ARL10: variants seen among roughly 807,000 people sequenced by gnomAD.
ARL10 encodes the protein ARF like GTPase 10.
A neutral mutation model predicts 26.1 loss-of-function variants in ARL10; 23 were observed. The observed-to-expected ratio is 0.88, with a 90% confidence interval of 0.63 to 1.25. ARL10 has a LOEUF of 1.25. ARL10 is among the 50% of genes most tolerant of loss of function. The pLI is 0.00. For synonymous variants in ARL10, 138 were observed against 149.1 expected (o/e 0.93, Z 0.54); for missense variants, 300 against 323.6 (o/e 0.93, Z 0.56).
At chr5:176,406,201 C>G, downstream of ARL10, 1 of 995,824 alleles carries the variant, frequency 1.0e-6, no homozygotes, top group Non-Finnish European at 1.2e-6. Flanking sequence ...GGAGGGTTGG[C>G]AACCAGGAGA....
intron 1 of ARL10, chr5:176,387,076 CTCT>C (rs1755912497): frequency 1.2e-4 from 36 of 292,710 alleles, no homozygotes; most frequent in Admixed American, 4.7e-4. Flanking sequence ...CTCTCTCTCT[CTCT>C]TTTTTTTTTT....
chr5:176,383,853 C>T (rs879149960), downstream of ARL10: 65 of 871,556 alleles, frequency 7.5e-5, no homozygotes, highest in South Asian at 1.0e-3. Flanking sequence ...TGCTGACAGG[C>T]GGGATGGCCT....
chr5:176,373,188 A>G lies in ARL10; in HGVS notation c.*1293A>G. 7.6e-6 allele frequency: 3 copies of G among 396,892 alleles called. No homozygotes were observed. Among genetic ancestry groups the G allele is most frequent in the Non-Finnish European group, 1.3e-5 (3 of 225,446 alleles). 24.6% of individuals were successfully genotyped at this position (396,892 alleles called of 1,614,324 possible). ...ATCCTAAGGACAGGAATAGCAGACCAGCCAACGGGATGGCCTTGGGTACAT... is the reference window on the plus strand; with the variant it reads ...ATCCTAAGGACAGGAATAGCAGACCGGCCAACGGGATGGCCTTGGGTACAT... On this transcript the variant is annotated 3_prime_UTR_variant, in exon 4 of 4. Transcript: ENST00000310389.
chr5:176,383,971 C>T (rs1004469296), downstream of ARL10: 6 of 1,525,902 alleles, frequency 3.9e-6, no homozygotes, highest in Middle Eastern at 1.7e-4. Context: ...TTATTATGTA[C>T]ACACTATATT....
At chr5:176,410,075 C>G in the ARL10 span, among the ~76,000 whole-genome samples, 1 of 152,204 alleles carries the variant, frequency 6.6e-6, no homozygotes, top group East Asian at 1.9e-4. Flanking sequence ...GGTCCTTATT[C>G]TTCTTCCCTG....
chr5:176,414,907 A>G, the ARL10 span, among the ~76,000 whole-genome samples: 1 of 152,264 alleles, frequency 6.6e-6, no homozygotes. Context: ...GTAGGTGCTC[A>G]GTAAACGTTG....
At chr5:176,401,393 C>A (rs991156366) in intron 1 of ARL10, among the ~76,000 whole-genome samples, 4 of 152,246 alleles carry the variant, frequency 2.6e-5, no homozygotes, top group African/African-American at 4.8e-5. Flanking sequence ...ACCACCCAAT[C>A]CCCACTCCTT....
rs1768697072 is a variant in ARL10 at position 176,376,465 on chromosome 5, T to A, written c.*4570T>A. The A allele has an allele frequency of 6.6e-6, 1 of 152,056 alleles. No individual in the cohort carries two copies. Among genetic ancestry groups the A allele is most frequent in the Non-Finnish European group, 1.5e-5 (1 of 68,028 alleles). The allele number at this position is 152,056 out of a possible 1,614,324, so 9.4% of individuals were successfully genotyped here. On this transcript the variant is annotated 3_prime_UTR_variant, in exon 4 of 4. Coordinates refer to ENST00000310389, the MANE Select transcript of ARL10 (RefSeq NM_173664.6). ...TACTGGCATTAATGGAATCGTTTCC[T>A]GATTTGAGCGTTAAGTCACAAACCC... is the stretch of plus-strand genomic sequence containing the variant.
rs1199289675 is a variant in ARL10 at position 176,377,787 on chromosome 5, G to C, written c.*5892G>C. 1 of 152,124 alleles carries C rather than the reference G, an allele frequency of 6.6e-6. No homozygotes were observed. Among genetic ancestry groups the C allele is most frequent in the African/African-American group, 2.4e-5 (1 of 41,410 alleles). 9.4% of individuals were successfully genotyped at this position (152,124 alleles called of 1,614,324 possible). The stretch of plus-strand genomic sequence containing the variant: ...TTTTTTGTTTTTTTGTTTTGAGACA[G>C]GATCTCACTCTGTCACCCAGGCTGG... On this transcript the variant is annotated 3_prime_UTR_variant, in exon 4 of 4. Transcript: ENST00000310389. The surrounding 1 kb of genome is among the most constrained non-coding windows in gnomAD (Gnocchi z 4.5).
At position 176,368,411 on chromosome 5, in the gene ARL10, A is replaced by C. The variant is rs1768400159; in HGVS notation, c.386-396A>C. ...CAAAGCCAGACAACCCAGGGGAGAG[A>C]ACTGAAGACTTCCATTTACTGAGCA... is the stretch of plus-strand genomic sequence containing the variant. On this transcript the variant is annotated intron_variant, in intron 2 of 3. Coordinates refer to ENST00000310389, the MANE Select transcript of ARL10 (RefSeq NM_173664.6). This position sits in a 1 kb window ranked among gnomAD's most constrained non-coding sequence, Gnocchi z 4.1. Among the ~76,000 whole-genome samples, 1 of 152,024 alleles carries C rather than the reference A, an allele frequency of 6.6e-6. No homozygotes were observed. Among genetic ancestry groups the C allele is most frequent in the African/African-American group, 2.4e-5 (1 of 41,370 alleles).
intron 3 of ARL10, among the ~76,000 whole-genome samples, chr5:176,371,208 C>T (rs1292203729): frequency 3.3e-5 from 5 of 152,094 alleles, no homozygotes; most frequent in Non-Finnish European, 7.4e-5. Context: ...AACCCCGTCT[C>T]TACTAAAAAT....
In ARL10 at chr5:176,379,269, A is replaced by G. The variant is rs1384184080; in HGVS notation, c.*7374A>G. The G allele has an allele frequency of 1.3e-5, 2 of 152,120 alleles. No individual in the cohort carries two copies. Among genetic ancestry groups the G allele is most frequent in the Non-Finnish European group, 2.9e-5 (2 of 68,048 alleles). The allele number at this position is 152,120 out of a possible 1,614,324, so 9.4% of individuals were successfully genotyped here. A position where few individuals can be genotyped will look rare whatever the true frequency, so the allele number is the denominator to read the frequency against. On this transcript the variant is annotated 3_prime_UTR_variant, in exon 4 of 4. Transcript: ENST00000310389. ...CTGCAATCTCCGCCTCCCAGGTTCA[A>G]GTGATTCTCCTGCATAAGCCTCCCG...
At chr5:176,397,962 C>G in intron 1 of ARL10, 2 of 1,614,088 alleles carry the variant, frequency 1.2e-6, no homozygotes, top group Non-Finnish European at 1.7e-6. Context: ...CTGCTCCTCT[C>G]GCCACTTGCG....
Position 176,380,476 on chromosome 5 carries a change from T to G in ARL10, c.*8581T>G, listed in dbSNP as rs1266593317. 8 of 147,180 alleles carry G rather than the reference T, an allele frequency of 5.4e-5. No homozygotes were observed. The East Asian group carries it at 1.2e-3, about 22-fold the overall frequency. 9.1% of individuals were successfully genotyped at this position (147,180 alleles called of 1,614,324 possible). A position where few individuals can be genotyped will look rare whatever the true frequency, so the allele number is the denominator to read the frequency against. ...TTCTGGGTCCATAATTTTGGTTTTT[T>G]TTTTTTTTTTTTTTTGAGACAGAGT... is the stretch of plus-strand genomic sequence containing the variant. On this transcript the variant is annotated 3_prime_UTR_variant, in exon 4 of 4. Coordinates refer to ENST00000310389, the MANE Select transcript of ARL10 (RefSeq NM_173664.6).
At chr5:176,400,013 G>A (rs1266074400) in intron 1 of ARL10, among the ~76,000 whole-genome samples, 1 of 152,086 alleles carries the variant, frequency 6.6e-6, no homozygotes, top group Non-Finnish European at 1.5e-5. Context: ...CCAACATGGT[G>A]AAACCCCATC....
chr5:176,374,351 C>T lies in ARL10; in HGVS notation c.*2456C>T, dbSNP rs536272899. 4 of 152,202 alleles carry T rather than the reference C, an allele frequency of 2.6e-5. No individual in the cohort carries two copies. The highest frequency in any genetic ancestry group is 7.2e-5 in the African/African-American group (3 of 41,436). The allele number at this position is 152,202 out of a possible 1,614,324, so 9.4% of individuals were successfully genotyped here. ...CTATTTGACCTCATTATGGAACTCA[C>T]AGTTTACAATGTTAAATCAGTTAGC... On this transcript the variant is annotated 3_prime_UTR_variant, in exon 4 of 4. Transcript: ENST00000310389.
chr5:176,366,554 A>G lies in ARL10; in HGVS notation c.358A>G (p.Lys120Glu). 1 of 1,614,070 alleles carries G rather than the reference A, an allele frequency of 6.2e-7. No homozygotes were observed. Among genetic ancestry groups the G allele is most frequent in the Non-Finnish European group, 8.5e-7 (1 of 1,180,004 alleles). Residue 120 changes from lysine (K) to glutamate (E), a missense_variant, in exon 2 of 4, where the codon AAG becomes GAG. Transcript: ENST00000310389. ...CTTCAACTCCGTGCGTCTGCCCACCAAGGACTTTGAGGTGGACCTGCTAGA... is the reference window on the plus strand; with the variant it reads ...CTTCAACTCCGTGCGTCTGCCCACCGAGGACTTTGAGGTGGACCTGCTAGA... The part of the protein sequence containing the change: ...WGFNSVRLPT[K>E]DFEVDLLEIG...
At chr5:176,394,628 C>G (rs557267124) in intron 1 of ARL10, among the ~76,000 whole-genome samples, 1 of 149,504 alleles carries the variant, frequency 6.7e-6, no homozygotes, top group East Asian at 2.0e-4. Context: ...TCCTGGCTAA[C>G]ACGGTGAAAC....
chr5:176,377,122 T>C lies in ARL10; in HGVS notation c.*5227T>C, dbSNP rs551892228. ...TTTCATAGGGGTCAATCTGTGTCTGTCGTAGGAATGGATCTGATCTGCTGA... is the reference window on the plus strand; with the variant it reads ...TTTCATAGGGGTCAATCTGTGTCTGCCGTAGGAATGGATCTGATCTGCTGA... On this transcript the variant is annotated 3_prime_UTR_variant, in exon 4 of 4. Transcript: ENST00000310389. The surrounding 1 kb of genome is among the most constrained non-coding windows in gnomAD (Gnocchi z 4.5). 1 of 152,320 alleles carries C rather than the reference T, an allele frequency of 6.6e-6. No individual in the cohort carries two copies. The highest frequency in any genetic ancestry group is 2.1e-4 in the South Asian group (1 of 4,830). The allele number at this position is 152,320 out of a possible 1,614,324, so 9.4% of individuals were successfully genotyped here. A position where few individuals can be genotyped will look rare whatever the true frequency, so the allele number is the denominator to read the frequency against.
Sources: allele counts gnomAD v4.1 joint callset (sites outside exome capture counted in the v4.1 genomes callset), GRCh38; gene constraint gnomAD v4.1.1; non-coding constraint Gnocchi (gnomAD v3.1); transcripts MANE v1.5; gene names NCBI Gene and HGNC (gene_info 2026-07-23, HGNC 2026-07-21).